Variants in TRIM61 observed in about 807,000 individuals in gnomAD.
The protein encoded by TRIM61 is putative tripartite motif-containing protein 61.
Under a neutral mutation model 14.2 loss-of-function variants are expected in TRIM61, and 1 was observed. The ratio of observed to expected loss-of-function variants is 0.07; its 90% CI spans 0.03 to 0.33. The LOEUF (loss-of-function observed/expected upper bound fraction) is 0.33. Among genes scored for constraint, TRIM61 ranks in the 10% least tolerant of loss-of-function variants. TRIM61 has a pLI of 0.99. For missense variants in TRIM61, 19 were observed against 202.2 expected, an observed-to-expected ratio of 0.09 and a Z score of 5.49; for synonymous variants, 8 against 71.6, an observed-to-expected ratio of 0.11 and a Z score of 4.49.
intron 2 of TRIM61, among the ~76,000 whole-genome samples, chr4:164,972,280 A>G (rs541231375): frequency 3.3e-5 from 5 of 152,344 alleles, no homozygotes; most frequent in South Asian, 2.1e-4. Flanking sequence ...AATGGGAAGT[A>G]TAACAACCTC....
intron 3 of TRIM61, among the ~76,000 whole-genome samples, chr4:164,955,568 C>CAAAAAAAAAAAAAAAAAAAAAAAAAA (rs10716862): frequency 2.6e-5 from 2 of 77,238 alleles, no homozygotes; most frequent in Non-Finnish European, 5.4e-5. Flanking sequence ...GATTCAGTCT[C>CAAAAAAAAAAAAAAAAAAAAAAAAAA]AAAAAAAAAA....
intron 3 of TRIM61, chr4:164,957,180 G>T (rs1321289203): frequency 6.2e-7 from 1 of 1,612,786 alleles, no homozygotes; most frequent in Non-Finnish European, 8.5e-7. Flanking sequence ...ACCGGCGGCC[G>T]CCATGGCAGT....
At chr4:164,962,075 A>G (rs956191663) in intron 3 of TRIM61, among the ~76,000 whole-genome samples, 5 of 152,208 alleles carry the variant, frequency 3.3e-5, no homozygotes, top group Non-Finnish European at 7.3e-5. Context: ...ATTATCTTAT[A>G]GGACCACTGT....
chr4:164,961,170 A>G (rs1384895447), intron 3 of TRIM61, among the ~76,000 whole-genome samples: 1,573 of 90,730 alleles, frequency 0.017, 21 homozygotes, highest in African/African-American at 0.06. Flanking sequence ...AAAAAAAAAA[A>G]AAAAAAAAAA....
intron 2 of TRIM61, among the ~76,000 whole-genome samples, chr4:164,972,398 T>C (rs1441045396): frequency 6.6e-6 from 1 of 152,236 alleles, no homozygotes; most frequent in Non-Finnish European, 1.5e-5. Flanking sequence ...ATGTATTGCA[T>C]TTGCTTATTA....
intron 3 of TRIM61, among the ~76,000 whole-genome samples, chr4:164,959,633 A>G (rs1345773442): frequency 6.6e-6 from 1 of 152,218 alleles, no homozygotes; most frequent in Non-Finnish European, 1.5e-5. Flanking sequence ...AACATCAGAG[A>G]ACACAGGCTT....
chr4:164,963,733 A>G (rs1234864099), intron 3 of TRIM61, among the ~76,000 whole-genome samples: 1 of 121,746 alleles, frequency 8.2e-6, no homozygotes, highest in Non-Finnish European at 1.7e-5. Flanking sequence ...AACAAGAGTG[A>G]AACTCTGTTT....
In TRIM61 at chr4:164,971,700, G is replaced by A. The variant is rs148641811; in HGVS notation, c.-337-1361C>T. Among the ~76,000 whole-genome samples the A allele has an allele frequency of 2.9e-3, 436 of 152,152 alleles. 1 individual carries two copies. Among genetic ancestry groups the A allele is most frequent in the African/African-American group, 7.9e-3 (329 of 41,498 alleles). ...GGATGCATACCCTTTCAATCTTTCT[G>A]TAAGTTTGACACTTTCAAAACAAAA... On this transcript the variant is annotated intron_variant, in intron 2 of 4. Transcript: ENST00000329314.
At chr4:164,976,349 A>G (rs2111156444) in intron 2 of TRIM61, among the ~76,000 whole-genome samples, 1 of 152,260 alleles carries the variant, frequency 6.6e-6, no homozygotes, top group East Asian at 1.9e-4. Context: ...GACTAGAAAT[A>G]CCCACAGGTG....
chr4:164,965,195 TGA>T (rs1732210419), intron 3 of TRIM61, among the ~76,000 whole-genome samples: 1 of 151,864 alleles, frequency 6.6e-6, no homozygotes, highest in Non-Finnish European at 1.5e-5. Context: ...GGCTAAGGCG[TGA>T]GAGTCGCTTG....
intron 3 of TRIM61, among the ~76,000 whole-genome samples, chr4:164,960,890 G>A (rs890994760): frequency 6.6e-5 from 10 of 151,966 alleles, no homozygotes; most frequent in Admixed American, 3.3e-4. Flanking sequence ...AGCGGAGGTC[G>A]TAGTGAGCCA....
At chr4:164,957,601 C>A in intron 3 of TRIM61, 2 of 1,212,838 alleles carry the variant, frequency 1.6e-6, no homozygotes, top group Non-Finnish European at 2.3e-6. Context: ...GTTATGTTAA[C>A]TAAAAATACA....
Position 164,971,897 on chromosome 4 carries a change from T to C in TRIM61, c.-337-1558A>G, listed in dbSNP as rs529971301. On this transcript the variant is annotated intron_variant, in intron 2 of 4. Coordinates refer to ENST00000329314, the MANE Select transcript of TRIM61 (RefSeq NM_001012414.3). ...TCTTAACTCTTCTTCTTCCTCTCACTTTCCTCATAACCCAACGACAGTGAC... is the reference window on the plus strand; with the variant it reads ...TCTTAACTCTTCTTCTTCCTCTCACCTTCCTCATAACCCAACGACAGTGAC... 6.6e-5 allele frequency among the ~76,000 whole-genome samples: 10 copies of C among 152,292 alleles called. No homozygotes were observed. The East Asian group carries it at 1.9e-3, about 29-fold the overall frequency.
chr4:164,958,151 GTTGT>G (rs1732057236), intron 3 of TRIM61: 1 of 167,082 alleles, frequency 6.0e-6, no homozygotes. Flanking sequence ...ATATAATAGA[GTTGT>G]TTGTTAGAAT....
In TRIM61 at chr4:164,959,574, G is replaced by A. The variant is rs199780138; in HGVS notation, c.526-4478C>T. Among the ~76,000 whole-genome samples the A allele has an allele frequency of 7.2e-4, 110 of 152,204 alleles. 3 individuals are homozygous for A. The East Asian group carries it at 0.02, about 27-fold the overall frequency. On this transcript the variant is annotated intron_variant, in intron 3 of 4. Coordinates refer to ENST00000329314, the MANE Select transcript of TRIM61 (RefSeq NM_001012414.3). ...AAGAACATTTGTGAAGGCCACACAT[G>A]CCTGAGACCAAAGTTCAGAGTGCTT...
intron 3 of TRIM61, among the ~76,000 whole-genome samples, chr4:164,964,802 C>A (rs1350483567): frequency 1.3e-5 from 2 of 152,188 alleles, no homozygotes; most frequent in Non-Finnish European, 2.9e-5. Context: ...AAACCCTTAT[C>A]ACTTACAGAA....
At chr4:164,961,190 AAAAG>A (rs751094676) in intron 3 of TRIM61, among the ~76,000 whole-genome samples, 2 of 141,354 alleles carry the variant, frequency 1.4e-5, no homozygotes, top group African/African-American at 2.6e-5. Flanking sequence ...AAAAAAAAAA[AAAAG>A]AAAGAAAAAT....
chr4:164,961,153 C>CAAAAAAAAAAAAAAAAAAAAAAAAAAAG (rs1732123946), intron 3 of TRIM61, among the ~76,000 whole-genome samples: 1 of 31,718 alleles, frequency 3.2e-5, no homozygotes, highest in Non-Finnish European at 6.7e-5. Flanking sequence ...AACTCTCAGG[C>CAAAAAAAAAAAAAAAAAAAAAAAAAAAG]AAAAAAAAAA....
intron 3 of TRIM61, among the ~76,000 whole-genome samples, chr4:164,964,540 T>C (rs1179418333): frequency 6.6e-6 from 1 of 151,142 alleles, no homozygotes; most frequent in Non-Finnish European, 1.5e-5. Context: ...AATTGTTAAC[T>C]GCCACGAACT....
Sources: allele counts gnomAD v4.1 joint callset (sites outside exome capture counted in the v4.1 genomes callset), GRCh38; gene constraint gnomAD v4.1.1; transcripts MANE v1.5; gene names NCBI Gene and HGNC (gene_info 2026-07-23, HGNC 2026-07-21).